PCNX2: variants seen among roughly 807,000 people sequenced by gnomAD.
The protein encoded by PCNX2 is pecanex-like protein 2.
PCNX2 carries 168 observed loss-of-function variants against 223.8 expected under a neutral mutation model. That is an observed-to-expected ratio of 0.75 (90% CI 0.66 to 0.85). PCNX2 has a LOEUF of 0.85. Ranked by LOEUF, PCNX2 falls within the 40% of genes least tolerant of loss-of-function variation. The pLI is 0.00. For synonymous variants in PCNX2, 1,006 were observed against 1,052.6 expected (o/e 0.96, Z 0.86); for missense variants, 2,507 against 2,675.5 (o/e 0.94, Z 1.39).
chr1:232,991,947 A>G lies in PCNX2; in HGVS notation c.5792-5407T>C, dbSNP rs1225525651. Among the ~76,000 whole-genome samples, 1 of 152,214 alleles carries G rather than the reference A, an allele frequency of 6.6e-6. No homozygotes were observed. Among genetic ancestry groups the G allele is most frequent in the South Asian group, 2.1e-4 (1 of 4,826 alleles). On this transcript the variant is annotated intron_variant, in intron 32 of 33. Transcript: ENST00000258229. The surrounding 1 kb of genome is among the most constrained non-coding windows in gnomAD (Gnocchi z 4.3). ...ACATTCTGAGCTGAAGCCATCATTC[A>G]ACAGAAGAACAACGTGAACTGATTT...
chr1:233,100,417 CA>C (rs5781726), intron 21 of PCNX2, among the ~76,000 whole-genome samples: 34,122 of 81,402 alleles, frequency 0.42, 2,877 homozygotes, highest in African/African-American at 0.52. Context: ...GATTCTGTCT[CA>C]AAAAAAAAAA....
intron 10 of PCNX2, among the ~76,000 whole-genome samples, chr1:233,225,132 AAAAAAAT>A (rs1285203412): frequency 1.3e-5 from 2 of 151,360 alleles, no homozygotes; most frequent in African/African-American, 4.9e-5. Context: ...AAAAAAAAAA[AAAAAAAT>A]GTTATGTTAC....
intron 1 of PCNX2, among the ~76,000 whole-genome samples, chr1:233,282,501 T>G (rs1661243098): frequency 6.6e-6 from 1 of 152,188 alleles, no homozygotes; most frequent in Non-Finnish European, 1.5e-5. Flanking sequence ...ACTATCCTCT[T>G]TCATCCTTCA....
At chr1:233,150,380 T>C (rs1480365678) in intron 19 of PCNX2, among the ~76,000 whole-genome samples, 2 of 152,294 alleles carry the variant, frequency 1.3e-5, no homozygotes, top group African/African-American at 4.8e-5. Context: ...ACAATAAATA[T>C]ATTTTGAATG....
rs779501694 is a variant in PCNX2 at position 233,258,108 on chromosome 1, G to A, written c.1754C>T (p.Ser585Phe). Residue 585 changes from serine to phenylalanine, a missense_variant, in exon 5 of 34, where the codon TCC becomes TTC. By Grantham distance (155) the Ser-to-Phe change is radical (BLOSUM62 -2). Around this residue, in one of 3 missense-constraint regions of PCNX2, gnomAD observed 1,031 missense variants for 1,021.7 expected, o/e 1.01. Coordinates refer to ENST00000258229, the MANE Select transcript of PCNX2 (RefSeq NM_014801.4). ...TGCCGTCATCTTGGAAGTATTAATGGATTCTAACAGGGAGACAAATTCCAG... is the reference window on the plus strand; with the variant it reads ...TGCCGTCATCTTGGAAGTATTAATGAATTCTAACAGGGAGACAAATTCCAG... ...NFLEFVSLLE[S>F]INTSKMTASS... 10 of 1,613,854 alleles carry A rather than the reference G, an allele frequency of 6.2e-6. No homozygotes were observed. The highest frequency in any genetic ancestry group is 7.6e-6 in the Non-Finnish European group (9 of 1,179,878).
chr1:233,016,841 TAAGA>T (rs1670682054), intron 27 of PCNX2, 76 bp downstream of exon 27: 2 of 1,536,022 alleles, frequency 1.3e-6, no homozygotes, highest in African/African-American at 2.7e-5. Flanking sequence ...CCATAGAATA[TAAGA>T]AAGAGATGGA....
intron 23 of PCNX2, among the ~76,000 whole-genome samples, chr1:233,059,719 T>C (rs188718199): frequency 1.3e-5 from 2 of 152,318 alleles, no homozygotes; most frequent in African/African-American, 4.8e-5. Flanking sequence ...TCTGAAGTTC[T>C]TGTCCTTATA....
intron 22 of PCNX2, among the ~76,000 whole-genome samples, chr1:233,091,525 C>A (rs1433297451): frequency 6.6e-6 from 1 of 151,982 alleles, no homozygotes; most frequent in Non-Finnish European, 1.5e-5. Flanking sequence ...GGGAGTGAGT[C>A]TTGTGCTGTC....
chr1:233,035,929 T>G (rs529709293), intron 25 of PCNX2, among the ~76,000 whole-genome samples: 1 of 152,310 alleles, frequency 6.6e-6, no homozygotes, highest in South Asian at 2.1e-4. Flanking sequence ...GGTAGAGATA[T>G]TAACAGGAGG....
rs1310427931 is a variant in PCNX2, at chr1:233,001,466, C to T, written c.5097+71G>A. On this transcript the variant is annotated intron_variant, in intron 29 of 33. Transcript: ENST00000258229. This position sits in a 1 kb window ranked among gnomAD's most constrained non-coding sequence, Gnocchi z 4.2. Reference sequence around the variant, plus strand: ...TGCACCCCAGCCTGGGCAACAAGAGCGAAACTCCATCTCATAAATAAATAA... The same window carrying T: ...TGCACCCCAGCCTGGGCAACAAGAGTGAAACTCCATCTCATAAATAAATAA... 24 of 1,037,748 alleles carry T rather than the reference C, an allele frequency of 2.3e-5. No individual in the cohort carries two copies. The highest frequency in any genetic ancestry group is 1.0e-4 in the Admixed American group (2 of 19,762). The allele number at this position is 1,037,748 out of a possible 1,614,324, so 64.3% of individuals were successfully genotyped here.
intron 32 of PCNX2, among the ~76,000 whole-genome samples, chr1:232,989,314 C>T (rs899891445): frequency 1.2e-4 from 19 of 152,226 alleles, no homozygotes; most frequent in East Asian, 1.2e-3. Context: ...ATTAGCCAGG[C>T]GTGGTGGCGG....
intron 22 of PCNX2, among the ~76,000 whole-genome samples, chr1:233,092,995 T>A (rs1034566593): frequency 1.3e-5 from 2 of 152,244 alleles, no homozygotes; most frequent in South Asian, 2.1e-4. Flanking sequence ...GAGACGGGGT[T>A]TCACCGTGTT....
chr1:233,194,151 G>T (rs944390965), intron 15 of PCNX2, among the ~76,000 whole-genome samples: 1 of 151,346 alleles, frequency 6.6e-6, no homozygotes, highest in Non-Finnish European at 1.5e-5. Flanking sequence ...AAGGCAGTCA[G>T]AGAAAAAAGA....
chr1:233,096,167 C>G (rs1172950167), intron 21 of PCNX2, among the ~76,000 whole-genome samples: 1 of 152,150 alleles, frequency 6.6e-6, no homozygotes, highest in Non-Finnish European at 1.5e-5. Flanking sequence ...GTCTTTCCTC[C>G]TTCATATTGG....
rs1454918746 is a variant in PCNX2, at chr1:233,252,421, A to C, written c.2061T>G (p.Ser687Arg). ...QQDSSVLQVI[S>R]GPETSVQEEI... ...CTTCTTGTACAGATGTTTCAGGCCCACTGATGACTTGCAAGACAGAACTAT... is the reference window on the plus strand; with the variant it reads ...CTTCTTGTACAGATGTTTCAGGCCCCCTGATGACTTGCAAGACAGAACTAT... The change falls in exon 7 of 34, where the codon AGT becomes AGG. Residue 687 changes from serine (S) to arginine (R), a missense_variant. Physicochemically the swap from Ser to Arg is moderately radical, Grantham distance 110 (BLOSUM62 -1). Coordinates refer to ENST00000258229, the MANE Select transcript of PCNX2 (RefSeq NM_014801.4). 1 of 1,613,880 alleles carries C rather than the reference A, an allele frequency of 6.2e-7. No individual in the cohort carries two copies. The highest frequency in any genetic ancestry group is 8.5e-7 in the Non-Finnish European group (1 of 1,179,746).
rs897705549 is a variant in PCNX2, at chr1:233,295,657, C to T, written c.-179G>A. 11 of 665,634 alleles carry T rather than the reference C, an allele frequency of 1.7e-5. No individual in the cohort carries two copies. Among genetic ancestry groups the T allele is most frequent in the Non-Finnish European group, 2.1e-5 (10 of 472,486 alleles). 41.2% of individuals were successfully genotyped at this position (665,634 alleles called of 1,614,324 possible). The stretch of plus-strand genomic sequence containing the variant: ...TTGAAGCTGGAGCTGCTCTTCCGCC[C>T]GGACCCGCGAACCGCGGCGCCGGAG... On this transcript the variant is annotated 5_prime_UTR_variant, in exon 1 of 34. Transcript: ENST00000258229. This position sits in a 1 kb window ranked among gnomAD's most constrained non-coding sequence, Gnocchi z 4.1.
chr1:233,308,267 G>A, the PCNX2 span, among the ~76,000 whole-genome samples: 1 of 152,098 alleles, frequency 6.6e-6, no homozygotes, highest in African/African-American at 2.4e-5. Flanking sequence ...AACCAGCCTG[G>A]CCAACATGAC....
In PCNX2 at chr1:233,262,992, T is replaced by C; in HGVS notation, c.325A>G (p.Lys109Glu). Residue 109 changes from lysine (K) to glutamate (E), a missense_variant, in exon 2 of 34, where the codon AAA (lysine) becomes GAA (glutamate). Physicochemically the swap from Lys to Glu is moderately conservative, Grantham distance 56 (BLOSUM62 1). Transcript: ENST00000258229. ...CTGTGATTAGTTATGTGTTCACCTT[T>C]GGCCTCCTTGTCTTTATTTGGCTTT... ...EEKPNKDKEAKGEHITNHRNP... is the reference protein window; with the variant it reads ...EEKPNKDKEAEGEHITNHRNP... 6.2e-7 allele frequency: 1 copy of C among 1,613,740 alleles called. No individual in the cohort carries two copies. The highest frequency in any genetic ancestry group is 8.5e-7 in the Non-Finnish European group (1 of 1,179,804).
intron 32 of PCNX2, among the ~76,000 whole-genome samples, chr1:232,993,778 T>C (rs973442332): frequency 3.3e-5 from 5 of 152,240 alleles, no homozygotes; most frequent in African/African-American, 1.2e-4. Context: ...CTGTGCAGCC[T>C]CTGGATTTGG....
Sources: allele counts gnomAD v4.1 joint callset (sites outside exome capture counted in the v4.1 genomes callset), GRCh38; gene constraint gnomAD v4.1.1; regional missense constraint gnomAD v4.1.1; non-coding constraint Gnocchi (gnomAD v3.1); transcripts MANE v1.5; gene names NCBI Gene and HGNC (gene_info 2026-07-23, HGNC 2026-07-21).